The following NPAS3 variants were observed in gnomAD, a reference collection of about 807,000 sequenced individuals.
NPAS3 encodes neuronal PAS domain-containing protein 3.
A neutral mutation model predicts 73.1 loss-of-function variants in NPAS3; 14 were observed. The ratio of observed to expected loss-of-function variants is 0.19; its 90% CI spans 0.13 to 0.30. The LOEUF is 0.30. Among genes scored for constraint, NPAS3 ranks in the 10% least tolerant of loss-of-function variants. NPAS3 has a pLI of 1.00. For synonymous variants in NPAS3, 620 were observed against 541.5 expected (o/e 1.14, Z -2.01); for missense variants, 1,096 against 1,250.0 (o/e 0.88, Z 1.86).
chr14:33,603,249 A>G (rs1175174081), intron 5 of NPAS3, among the ~76,000 whole-genome samples: 1 of 152,212 alleles, frequency 6.6e-6, no homozygotes, highest in Non-Finnish European at 1.5e-5. Flanking sequence ...ATTGCAGAAG[A>G]AGATATTAGT....
chr14:33,035,060 G>A (rs1338671417), intron 1 of NPAS3, among the ~76,000 whole-genome samples: 1 of 152,248 alleles, frequency 6.6e-6, no homozygotes, highest in Admixed American at 6.5e-5. Flanking sequence ...CTTAATGACT[G>A]ATCAGTTATT....
intron 5 of NPAS3, among the ~76,000 whole-genome samples, chr14:33,666,393 T>G (rs2140296632): frequency 6.6e-6 from 1 of 152,338 alleles, no homozygotes; most frequent in South Asian, 2.1e-4. Context: ...ATGCTTTTGG[T>G]TCACAACCAC....
chr14:33,398,089 G>A (rs533885008), intron 4 of NPAS3, among the ~76,000 whole-genome samples: 1 of 152,254 alleles, frequency 6.6e-6, no homozygotes, highest in Non-Finnish European at 1.5e-5. Flanking sequence ...AGGGAGAGAT[G>A]ATTAAGAAAA....
chr14:33,544,788 T>TTTTATATATATATATATATATATA (rs1555409893), intron 4 of NPAS3, among the ~76,000 whole-genome samples: 3 of 63,264 alleles, frequency 4.7e-5, no homozygotes, highest in African/African-American at 2.6e-4. Context: ...TGTGTGTGTA[T>TTTTATATATATATATATATATATA]TATATATATA....
intron 4 of NPAS3, among the ~76,000 whole-genome samples, chr14:33,410,159 T>C (rs2047858976): frequency 6.6e-6 from 1 of 152,146 alleles, no homozygotes. Flanking sequence ...AAATAATAAA[T>C]AGAATCTCTT....
chr14:32,943,882 G>T (rs1383962669), intron 1 of NPAS3, among the ~76,000 whole-genome samples: 4 of 151,972 alleles, frequency 2.6e-5, no homozygotes, highest in Admixed American at 6.6e-5. Context: ...AGAGATAGGG[G>T]TTTCACCATG....
chr14:33,511,296 G>A (rs190321692), intron 4 of NPAS3, among the ~76,000 whole-genome samples: 4 of 152,070 alleles, frequency 2.6e-5, no homozygotes, highest in Admixed American at 2.6e-4. Context: ...GGCTCTGTTT[G>A]ATTTGATTAA....
At chr14:33,499,366 T>A (rs374373255) in intron 4 of NPAS3, among the ~76,000 whole-genome samples, 1 of 151,848 alleles carries the variant, frequency 6.6e-6, no homozygotes, top group Non-Finnish European at 1.5e-5. Context: ...ATTTCAAGAT[T>A]TAAACCCTTT....
intron 3 of NPAS3, among the ~76,000 whole-genome samples, chr14:33,262,951 C>T (rs951064230): frequency 6.6e-6 from 1 of 152,062 alleles, no homozygotes; most frequent in African/African-American, 2.4e-5. Context: ...ATATCCTTTG[C>T]CCACTTGTTG....
intron 5 of NPAS3, among the ~76,000 whole-genome samples, chr14:33,617,430 C>T (rs1403636484): frequency 6.6e-6 from 1 of 152,076 alleles, no homozygotes; most frequent in African/African-American, 2.4e-5. Context: ...GGGGGGAATG[C>T]CACACACCCA....
At chr14:33,318,329 C>G (rs1163597338) in intron 3 of NPAS3, among the ~76,000 whole-genome samples, 1 of 152,066 alleles carries the variant, frequency 6.6e-6, no homozygotes, top group East Asian at 1.9e-4. Context: ...TAGTGGTTGC[C>G]AGGAACTGAG....
At chr14:33,042,768 G>T (rs1056790092) in intron 1 of NPAS3, among the ~76,000 whole-genome samples, 2 of 152,084 alleles carry the variant, frequency 1.3e-5, no homozygotes, top group Non-Finnish European at 2.9e-5. Context: ...ACAATTCAAC[G>T]GTAATTCAGC....
intron 3 of NPAS3, among the ~76,000 whole-genome samples, chr14:33,274,331 T>TTAACC (rs2041233037): frequency 6.6e-6 from 1 of 152,198 alleles, no homozygotes; most frequent in Non-Finnish European, 1.5e-5. Context: ...TAGGCTAAAT[T>TTAACC]GAATTTAACA....
At chr14:33,434,524 CAA>C (rs570074526) in intron 4 of NPAS3, among the ~76,000 whole-genome samples, 1 of 135,466 alleles carries the variant, frequency 7.4e-6, no homozygotes, top group African/African-American at 2.7e-5. Context: ...GACCCCATCT[CAA>C]AAAAAAAAAA....
intron 4 of NPAS3, among the ~76,000 whole-genome samples, chr14:33,400,154 T>C (rs2047389031): frequency 1.3e-5 from 2 of 152,186 alleles, no homozygotes; most frequent in African/African-American, 4.8e-5. Context: ...ATAAGAATTT[T>C]CCTTACATTT....
At chr14:33,751,069 T>C (rs1476003316) in intron 7 of NPAS3, among the ~76,000 whole-genome samples, 1 of 152,180 alleles carries the variant, frequency 6.6e-6, no homozygotes, top group African/African-American at 2.4e-5. Context: ...GGAATAAAGA[T>C]ATCTAAGCTG....
intron 4 of NPAS3, among the ~76,000 whole-genome samples, chr14:33,382,959 T>C (rs2046619173): frequency 6.6e-6 from 1 of 151,952 alleles, no homozygotes; most frequent in Admixed American, 6.6e-5. Flanking sequence ...TGATAGTGTG[T>C]GCCTGTAGTA....
intron 2 of NPAS3, among the ~76,000 whole-genome samples, chr14:33,106,068 G>T (rs1463365866): frequency 1.3e-5 from 2 of 152,126 alleles, no homozygotes; most frequent in East Asian, 3.9e-4. Flanking sequence ...AAATAGGAAG[G>T]CCTAGACTGA....
intron 3 of NPAS3, among the ~76,000 whole-genome samples, chr14:33,365,965 T>C (rs1289348713): frequency 6.6e-6 from 1 of 152,188 alleles, no homozygotes; most frequent in African/African-American, 2.4e-5. Context: ...TTTCAATTAG[T>C]AGTAGCTGGG....
Sources: gnomAD v4.1 joint callset for allele counts (sites outside exome capture counted in the v4.1 genomes callset) on GRCh38, gnomAD v4.1.1 for gene constraint, MANE v1.5 for transcripts, NCBI Gene and HGNC (gene_info 2026-07-23, HGNC 2026-07-21) for gene names.